The following CTR9 variants were observed in gnomAD, a reference collection of about 807,000 sequenced individuals.
CTR9 encodes CTR9 component of Paf1/RNA polymerase II complex, also known as RNA polymerase-associated protein CTR9 homolog.
Under a neutral mutation model 152.1 loss-of-function variants are expected in CTR9, and 41 were observed. That is an observed-to-expected ratio of 0.27 (90% CI 0.21 to 0.35). The LOEUF is 0.35. CTR9 is among the 10% of genes least tolerant of loss of function. The probability of loss-of-function intolerance (pLI) is 1.00; values close to 1 mark genes in which losing one functional copy is unlikely to be tolerated. For missense variants in CTR9, 917 were observed against 1,424.4 expected (o/e 0.64, Z 5.73); for synonymous variants, 476 against 496.2 (o/e 0.96, Z 0.54).
In CTR9 at chr11:10,764,387, A is replaced by G. The variant is rs772196842; in HGVS notation, c.1364A>G (p.Asn455Ser). The change falls in exon 11 of 25, where the codon AAT becomes AGT. Residue 455 changes from asparagine (N) to serine (S), a missense_variant. This residue lies in a region of CTR9 where 133 missense variants were observed against 244.1 expected (regional missense o/e 0.54). Transcript: ENST00000361367. ...VQADVPPEIL[N>S]NVGALHFRLG... ...GCCGATGTTCCTCCAGAGATTCTCA[A>G]TAATGTGGGTGCCCTCCATTTTAGA... 4.3e-6 allele frequency: 7 copies of G among 1,614,182 alleles called. No individual in the cohort carries two copies. Among genetic ancestry groups the G allele is most frequent in the South Asian group, 1.1e-5 (1 of 91,080 alleles).
chr11:10,751,586 CA>C, intron 1 of CTR9, 129 bp downstream of exon 1: 1 of 896,856 alleles, frequency 1.1e-6, no homozygotes, highest in Non-Finnish European at 1.8e-6. Flanking sequence ...AATACCTGGC[CA>C]AGGTCTGATC....
Position 10,760,330 on chromosome 11 carries a change from A to G in CTR9, c.741+9A>G. ...AACTCAACAATAAAGAGGTATGTAAATGAAAAAAGTATCTAGCTCCTAACT... is the reference window on the plus strand; with the variant it reads ...AACTCAACAATAAAGAGGTATGTAAGTGAAAAAAGTATCTAGCTCCTAACT... On this transcript the variant is annotated intron_variant, in intron 6 of 24. Coordinates refer to ENST00000361367, the MANE Select transcript of CTR9 (RefSeq NM_014633.5). 1 of 1,608,244 alleles carries G rather than the reference A, an allele frequency of 6.2e-7. No individual in the cohort carries two copies. The highest frequency in any genetic ancestry group is 1.1e-5 in the South Asian group (1 of 90,464).
intron 5 of CTR9, among the ~76,000 whole-genome samples, chr11:10,758,977 T>C (rs10734658): frequency 1 from 152,186 of 152,352 alleles, 76,010 homozygotes; most frequent in Middle Eastern, 1. Flanking sequence ...TGGCCATTCT[T>C]ACACCTTGCA....
chr11:10,755,570 T>C, intron 3 of CTR9, 108 bp from the exon 4 acceptor site: 2 of 647,850 alleles, frequency 3.1e-6, no homozygotes, highest in East Asian at 2.7e-5. Flanking sequence ...TTACATTTGA[T>C]AGGGGAATTT....
In CTR9 at chr11:10,760,259, C is replaced by G. The variant is rs762253445; in HGVS notation, c.679C>G (p.Leu227Val). ...ARLAFSRALE[L>V]NSKCVGALVG... Reference sequence around the variant, plus strand: ...TCTGGCATTCAGCAGAGCCCTGGAACTCAATTCCAAATGCGTGGGAGCATT... The same window carrying G: ...TCTGGCATTCAGCAGAGCCCTGGAAGTCAATTCCAAATGCGTGGGAGCATT... The change falls in exon 6 of 25, where the codon CTC (leucine) becomes GTC (valine). Residue 227 changes from leucine (L) to valine (V), a missense_variant. Coordinates refer to ENST00000361367, the MANE Select transcript of CTR9 (RefSeq NM_014633.5). 6.2e-7 allele frequency: 1 copy of G among 1,614,072 alleles called. No individual in the cohort carries two copies. The highest frequency in any genetic ancestry group is 8.5e-7 in the Non-Finnish European group (1 of 1,179,938).
Position 10,767,718 on chromosome 11 carries a change from C to A in CTR9, c.1687-88C>A. ...CACTGTTGTAATATAGTTTGTAAAC[C>A]TCTTCAGTAATCAGCTATTGTGGGA... On this transcript the variant is annotated intron_variant, in intron 13 of 24. Transcript: ENST00000361367. The surrounding 1 kb of genome is among the most constrained non-coding windows in gnomAD (Gnocchi z 4.0). 1.7e-6 allele frequency: 2 copies of A among 1,146,344 alleles called. No individual in the cohort carries two copies. Among genetic ancestry groups the A allele is most frequent in the South Asian group, 1.4e-5 (1 of 69,564 alleles). The allele number at this position is 1,146,344 out of a possible 1,614,324, so 71.0% of individuals were successfully genotyped here.
intron 16 of CTR9, among the ~76,000 whole-genome samples, chr11:10,768,869 T>C (rs1949811465): frequency 6.6e-6 from 1 of 152,258 alleles, no homozygotes. Flanking sequence ...TATTTGTGTA[T>C]TCAGTTTCTG....
At chr11:10,763,170 C>T (rs1194824043) in intron 7 of CTR9, among the ~76,000 whole-genome samples, 1 of 145,422 alleles carries the variant, frequency 6.9e-6, no homozygotes, top group Non-Finnish European at 1.5e-5. Flanking sequence ...TTTCTACAGC[C>T]AGAGAGAGTA....
intron 22 of CTR9, 77 bp from the exon 23 acceptor site, chr11:10,775,130 A>T (rs1863210860): frequency 8.6e-7 from 1 of 1,163,244 alleles, no homozygotes; most frequent in African/African-American, 1.5e-5. Context: ...AGAATGAATA[A>T]TAATTTAATG....
rs1863186910 is a variant in CTR9 at position 10,773,925 on chromosome 11, T to C, written c.2728-87T>C. The C allele has an allele frequency of 5.5e-6, 4 of 723,958 alleles. No individual in the cohort carries two copies. The Admixed American group carries it at 8.7e-5, about 16-fold the overall frequency. 44.8% of individuals were successfully genotyped at this position (723,958 alleles called of 1,614,324 possible). ...AAAATCCTTCATTGTCAAATGACAATGGATATGGCCCCTTTCTGTACCTTA... is the reference window on the plus strand; with the variant it reads ...AAAATCCTTCATTGTCAAATGACAACGGATATGGCCCCTTTCTGTACCTTA... On this transcript the variant is annotated intron_variant, in intron 21 of 24. Transcript: ENST00000361367.
rs1862874855 is a variant in CTR9 at position 10,755,763 on chromosome 11, A to G, written c.470A>G (p.Asn157Ser). 1.9e-6 allele frequency: 3 copies of G among 1,612,920 alleles called. No individual in the cohort carries two copies. The highest frequency in any genetic ancestry group is 2.5e-6 in the Non-Finnish European group (3 of 1,179,102). The change falls in exon 4 of 25, where the codon AAT (asparagine) becomes AGT (serine). Residue 157 changes from asparagine to serine, a missense_variant. Physicochemically the swap from Asn to Ser is conservative, Grantham distance 46. This residue lies in a region of CTR9 where 110 missense variants were observed against 149.5 expected (regional missense o/e 0.74). Transcript: ENST00000361367. The part of the protein sequence containing the change: ...QADAQFHFVL[N>S]QSPNNIPALL... ...GATGCACAGTTTCATTTTGTACTCA[A>G]TCAGTCTCCAAATAATATTCCAGCC...
At chr11:10,778,345 G>A (rs1863274825) in intron 24 of CTR9, among the ~76,000 whole-genome samples, 1 of 152,174 alleles carries the variant, frequency 6.6e-6, no homozygotes, top group Non-Finnish European at 1.5e-5. Context: ...ATAAACAAAT[G>A]TATCCCTTCC....
In CTR9 at chr11:10,775,559, A is replaced by G. The variant is rs1228804956; in HGVS notation, c.3021A>G (p.Lys1007=). 16 of 1,613,798 alleles carry G rather than the reference A, an allele frequency of 9.9e-6. No individual in the cohort carries two copies. Among genetic ancestry groups the G allele is most frequent in the Non-Finnish European group, 1.4e-5 (16 of 1,179,872 alleles). The change falls in exon 24 of 25, where the codon AAA becomes AAG. Residue 1007 remains lysine, a synonymous_variant. Coordinates refer to ENST00000361367, the MANE Select transcript of CTR9 (RefSeq NM_014633.5). The part of the protein sequence containing the change: ...PERLPPSMKG[K]IKSKAIISSS... ...GTCTGCCTCCATCAATGAAGGGAAAAATAAAATCCAAAGCCATAATTTCAT... is the reference window on the plus strand; with the variant it reads ...GTCTGCCTCCATCAATGAAGGGAAAGATAAAATCCAAAGCCATAATTTCAT...
rs767354168 is a variant in CTR9 at position 10,763,771 on chromosome 11, G to A, written c.1086G>A (p.Gln362=). 5 of 1,613,966 alleles carry A rather than the reference G, an allele frequency of 3.1e-6. No homozygotes were observed. Among genetic ancestry groups the A allele is most frequent in the Non-Finnish European group, 1.7e-6 (2 of 1,179,940 alleles). Residue 362 remains glutamine (Q), a synonymous_variant, in exon 9 of 25, where the codon CAG becomes CAA. Transcript: ENST00000361367. ...IYRGDKENAS[Q]CFEKVLKAYP... ...GAGGTGACAAAGAAAATGCATCTCA[G>A]TGCTTTGAGAAGGTTTTGAAAGCTT...
chr11:10,763,496 A>G lies in CTR9; in HGVS notation c.915A>G (p.Gln305=), dbSNP rs748208178. ...AFHNTEVEAM[Q]AESCYQLARS... Reference sequence around the variant, plus strand: ...ATAATACAGAAGTGGAAGCTATGCAAGCAGAGAGCTGCTATCAGCTAGCTA... The same window carrying G: ...ATAATACAGAAGTGGAAGCTATGCAGGCAGAGAGCTGCTATCAGCTAGCTA... The change falls in exon 8 of 25, where the codon CAA becomes CAG. Residue 305 remains glutamine, a synonymous_variant. Coordinates refer to ENST00000361367, the MANE Select transcript of CTR9 (RefSeq NM_014633.5). 5 of 1,612,108 alleles carry G rather than the reference A, an allele frequency of 3.1e-6. No individual in the cohort carries two copies. The South Asian group carries it at 5.5e-5, about 18-fold the overall frequency.
In CTR9 at chr11:10,755,104, T is replaced by A; in HGVS notation, c.291T>A (p.Ala97=). The part of the protein sequence containing the change: ...DTLAAYYVQQ[A]RKEKNKDNKK... ...TGGCAGCGTATTATGTACAACAGGC[T>A]CGGAAAGAAAAGAATAAGGACAATA... The change falls in exon 3 of 25, where the codon GCT becomes GCA. Residue 97 remains alanine (A), a synonymous_variant. Coordinates refer to ENST00000361367, the MANE Select transcript of CTR9 (RefSeq NM_014633.5). 6.2e-7 allele frequency: 1 copy of A among 1,614,040 alleles called. No homozygotes were observed. Among genetic ancestry groups the A allele is most frequent in the Non-Finnish European group, 8.5e-7 (1 of 1,179,978 alleles).
Position 10,779,316 on chromosome 11 carries a change from G to T in CTR9, c.*211G>T. 1.9e-6 allele frequency: 1 copy of T among 529,518 alleles called. No homozygotes were observed. The highest frequency in any genetic ancestry group is 3.3e-6 in the Non-Finnish European group (1 of 300,670). 32.8% of individuals were successfully genotyped at this position (529,518 alleles called of 1,614,324 possible). On this transcript the variant is annotated 3_prime_UTR_variant, in exon 25 of 25. Transcript: ENST00000361367. ...TCTCGTGCAAATGAGACTATTCTTT[G>T]TGGTACAATTCCACCTATCATATGT...
At chr11:10,758,894 A>T (rs1213372254) in intron 5 of CTR9, among the ~76,000 whole-genome samples, 6 of 152,220 alleles carry the variant, frequency 3.9e-5, no homozygotes, top group Non-Finnish European at 8.8e-5. Flanking sequence ...TATTTCCCCC[A>T]AATAATTAAA....
intron 16 of CTR9, 43 bp from the exon 17 acceptor site, chr11:10,770,167 T>C: frequency 7.3e-7 from 1 of 1,378,574 alleles, no homozygotes; most frequent in Non-Finnish European, 1.0e-6. Context: ...AAATGTCATT[T>C]ATTCTTTGTT....
Sources: allele counts gnomAD v4.1 joint callset (sites outside exome capture counted in the v4.1 genomes callset), GRCh38; gene constraint gnomAD v4.1.1; regional missense constraint gnomAD v4.1.1; non-coding constraint Gnocchi (gnomAD v3.1); transcripts MANE v1.5; gene names NCBI Gene and HGNC (gene_info 2026-07-23, HGNC 2026-07-21).